The following CIMAP2 variants were observed in gnomAD, a reference collection of about 807,000 sequenced individuals.
The protein encoded by CIMAP2 is ciliary microtubule associated protein 2, also known as ciliary microtubule-associated protein 2.
the CIMAP2 span, chr1:54,817,169 G>T: frequency 6.8e-6 from 11 of 1,606,456 alleles, no homozygotes; most frequent in Non-Finnish European, 9.4e-6. Context: ...GCGGTGGGGG[G>T]TCTTACTCTG....
At chr1:54,824,124 C>G in the CIMAP2 span, among the ~76,000 whole-genome samples, 1 of 152,128 alleles carries the variant, frequency 6.6e-6, no homozygotes, top group African/African-American at 2.4e-5. Context: ...CAGGCTCAAG[C>G]AATCCTCCCA....
At chr1:54,841,721 T>C in the CIMAP2 span, 6 of 1,586,544 alleles carry the variant, frequency 3.8e-6, no homozygotes, top group Non-Finnish European at 4.3e-6. Context: ...TCATTCCCTA[T>C]GGGTGTCCCT....
chr1:54,810,095 C>T, the CIMAP2 span, among the ~76,000 whole-genome samples: 205 of 152,266 alleles, frequency 1.3e-3, 3 homozygotes, highest in East Asian at 0.027. Flanking sequence ...AAGTGCCCAG[C>T]GCTGGGCTTG....
At chr1:54,823,769 T>C in the CIMAP2 span, among the ~76,000 whole-genome samples, 1 of 152,246 alleles carries the variant, frequency 6.6e-6, no homozygotes, top group African/African-American at 2.4e-5. Context: ...TATGTTTTCA[T>C]GATTGTAGAT....
At chr1:54,811,733 A>G in the CIMAP2 span, 1 of 1,429,142 alleles carries the variant, frequency 7.0e-7, no homozygotes, top group Non-Finnish European at 9.7e-7. Context: ...TCTGTTCCTC[A>G]GGCACACTCA....
At chr1:54,823,695 A>T in the CIMAP2 span, among the ~76,000 whole-genome samples, 1 of 152,174 alleles carries the variant, frequency 6.6e-6, no homozygotes, top group Non-Finnish European at 1.5e-5. Context: ...TTGTAGGGAT[A>T]ACGTTAGACT....
chr1:54,807,609 G>A, the CIMAP2 span: 2 of 1,610,090 alleles, frequency 1.2e-6, no homozygotes, highest in Non-Finnish European at 8.5e-7. Flanking sequence ...ACACAGGCTG[G>A]GCCAAGGCCC....
the CIMAP2 span, among the ~76,000 whole-genome samples, chr1:54,820,985 T>G: frequency 1.3e-5 from 2 of 152,272 alleles, no homozygotes; most frequent in South Asian, 4.1e-4. Context: ...GCCAGGCTGG[T>G]CTTGAACTCC....
At chr1:54,828,072 A>G in the CIMAP2 span, among the ~76,000 whole-genome samples, 1 of 152,200 alleles carries the variant, frequency 6.6e-6, no homozygotes, top group East Asian at 1.9e-4. Context: ...ATTATTTAAC[A>G]TTGTTTTGGA....
chr1:54,838,375 T>C, the CIMAP2 span, among the ~76,000 whole-genome samples: 151,066 of 151,662 alleles, frequency 1, 75,241 homozygotes, highest in Middle Eastern at 1. Context: ...CCCAACTACT[T>C]GGGAGGCTGA....
At chr1:54,826,401 T>C in the CIMAP2 span, among the ~76,000 whole-genome samples, 1 of 152,122 alleles carries the variant, frequency 6.6e-6, no homozygotes, top group African/African-American at 2.4e-5. Flanking sequence ...CCAGCTGGCA[T>C]TGGAACACTG....
chr1:54,831,508 C>T, the CIMAP2 span, among the ~76,000 whole-genome samples: 1 of 152,006 alleles, frequency 6.6e-6, no homozygotes, highest in African/African-American at 2.4e-5. Context: ...CAAAAATTAG[C>T]CAGGTGTGGT....
the CIMAP2 span, among the ~76,000 whole-genome samples, chr1:54,836,537 G>C: frequency 6.6e-6 from 1 of 151,766 alleles, no homozygotes; most frequent in Non-Finnish European, 1.5e-5. Flanking sequence ...TAGGGGGTGG[G>C]GGAGAAAAAA....
At chr1:54,811,765 G>GCCGGGGGGGGGCC in the CIMAP2 span, 5 of 1,301,326 alleles carry the variant, frequency 3.8e-6, no homozygotes, top group East Asian at 2.5e-5. Flanking sequence ...GGTTCTGACA[G>GCCGGGGGGGGGCC]CCTCCATGCC....
the CIMAP2 span, among the ~76,000 whole-genome samples, chr1:54,833,289 C>T: frequency 1.3e-4 from 20 of 152,252 alleles, no homozygotes; most frequent in East Asian, 2.9e-3. Context: ...AGAGACAGTG[C>T]GGGGACCAGA....
At chr1:54,806,670 A>C in the CIMAP2 span, among the ~76,000 whole-genome samples, 1 of 140,700 alleles carries the variant, frequency 7.1e-6, no homozygotes, top group African/African-American at 2.6e-5. Flanking sequence ...TGAACACAAC[A>C]GCAAACCCCT....
the CIMAP2 span, among the ~76,000 whole-genome samples, chr1:54,838,492 A>AG: frequency 5.5e-3 from 832 of 151,440 alleles, 1 homozygote; most frequent in Non-Finnish European, 8.8e-3. Flanking sequence ...AATTAAAAAA[A>AG]AAAATCATCT....
chr1:54,827,080 G>A, the CIMAP2 span, among the ~76,000 whole-genome samples: 1 of 152,222 alleles, frequency 6.6e-6, no homozygotes, highest in Non-Finnish European at 1.5e-5. Flanking sequence ...GGGTGCAAAA[G>A]CATTTTCTTC....
the CIMAP2 span, among the ~76,000 whole-genome samples, chr1:54,819,856 C>G: frequency 1.6e-5 from 2 of 123,936 alleles, no homozygotes; most frequent in Middle Eastern, 4.3e-3. Flanking sequence ...TTCTTTCCTT[C>G]CTTCCTTCCT....
Sources: gnomAD v4.1 joint callset for allele counts (sites outside exome capture counted in the v4.1 genomes callset) on GRCh38, gnomAD v4.1.1 for gene constraint, MANE v1.5 for transcripts, NCBI Gene and HGNC (gene_info 2026-07-23, HGNC 2026-07-21) for gene names.